Variants in SLC41A3 observed in about 807,000 individuals in gnomAD.
The protein encoded by SLC41A3 is solute carrier family 41 member 3, also known as SLC41A1-like 2.
SLC41A3 carries 44 observed loss-of-function variants against 45.4 expected under a neutral mutation model. The ratio of observed to expected loss-of-function variants is 0.97; its 90% confidence interval spans 0.76 to 1.25. SLC41A3 has a LOEUF of 1.25. SLC41A3 is among the 50% of genes most tolerant of loss of function. The pLI, the probability that SLC41A3 is intolerant of heterozygous loss-of-function variation, is 0.00. For synonymous variants in SLC41A3, 256 were observed against 252.4 expected (o/e 1.01, Z -0.13); for missense variants, 550 against 600.6 (o/e 0.92, Z 0.88).
At chr3:126,100,166 C>T (rs1472450586) in intron 1 of SLC41A3, among the ~76,000 whole-genome samples, 1 of 151,476 alleles carries the variant, frequency 6.6e-6, no homozygotes, top group Non-Finnish European at 1.5e-5. Context: ...TCCCCAAAGA[C>T]AGGTCTCCAC....
chr3:126,028,923 C>A (rs1395873425), intron 4 of SLC41A3, among the ~76,000 whole-genome samples: 1 of 152,236 alleles, frequency 6.6e-6, no homozygotes, highest in Non-Finnish European at 1.5e-5. Context: ...ACGCCCATAA[C>A]CCCTTCCTTT....
In SLC41A3 at chr3:126,056,858, C is replaced by T. The variant is rs977171875; in HGVS notation, c.274-5808G>A. 86 of 1,192,036 alleles carry T rather than the reference C, an allele frequency of 7.2e-5. 1 individual carries two copies. Among genetic ancestry groups the T allele is most frequent in the Non-Finnish European group, 8.5e-5 (81 of 953,710 alleles). The allele number at this position is 1,192,036 out of a possible 1,614,324, so 73.8% of individuals were successfully genotyped here. A position where few individuals can be genotyped will look rare whatever the true frequency, so the allele number is the denominator to read the frequency against. On this transcript the variant is annotated intron_variant, in intron 2 of 10. Transcript: ENST00000360370. ...GACAGTGGCTGTGTGTCCGCCGGGA[C>T]CTCCCTCTGCCAGTCTGCCATGGAG...
Position 126,039,014 on chromosome 3 carries a change from G to A in SLC41A3, c.382-5336C>T, listed in dbSNP as rs139340554. 2.2e-4 allele frequency among the ~76,000 whole-genome samples: 33 copies of A among 152,154 alleles called. No homozygotes were observed. In the East Asian group the frequency reaches 5.2e-3, roughly 24 times the overall value. ...GCACCTCCTCCCTCCCTCTCGCTCC[G>A]TCTCTCACCATGTGACACACTGGCT... On this transcript the variant is annotated intron_variant, in intron 3 of 10. Coordinates refer to ENST00000360370, the MANE Select transcript of SLC41A3 (RefSeq NM_017836.4).
At chr3:126,056,878 A>C in intron 2 of SLC41A3, 2 of 1,161,734 alleles carry the variant, frequency 1.7e-6, no homozygotes, top group South Asian at 2.5e-5. Flanking sequence ...CCAGTCTGCC[A>C]TGGAGGCTCA....
chr3:126,044,895 C>CAAAAAAAAAAAAAAAAA lies in SLC41A3; in HGVS notation c.381+6031_381+6047dup, dbSNP rs57581225. ...TGGGCGACAGAGCGAGACTCCATCTCAAAAAAAAAAAAAAAAAAAAAAAAA... is the reference window on the plus strand; with the variant it reads ...TGGGCGACAGAGCGAGACTCCATCTCAAAAAAAAAAAAAAAAAAAAAAAAAAAAAAAAAAAAAAAAAA... On this transcript the variant is annotated intron_variant, in intron 3 of 10. Transcript: ENST00000360370. 1.8e-4 allele frequency among the ~76,000 whole-genome samples: 15 copies of CAAAAAAAAAAAAAAAAA among 82,716 alleles called. 3 individuals are homozygous for CAAAAAAAAAAAAAAAAA. Among genetic ancestry groups the CAAAAAAAAAAAAAAAAA allele is most frequent in the Non-Finnish European group, 3.1e-4 (14 of 45,142 alleles). 54.3% of individuals were successfully genotyped at this position (82,716 alleles called of 152,430 possible).
At chr3:126,062,922 C>T (rs1211425211) in intron 2 of SLC41A3, among the ~76,000 whole-genome samples, 1 of 152,194 alleles carries the variant, frequency 6.6e-6, no homozygotes, top group Non-Finnish European at 1.5e-5. Context: ...GAAACGCCTT[C>T]ATGGAAGAGA....
chr3:126,048,922 A>T (rs540128679), intron 3 of SLC41A3, among the ~76,000 whole-genome samples: 151 of 73,116 alleles, frequency 2.1e-3, no homozygotes, highest in African/African-American at 8.1e-3. Flanking sequence ...AGACTGATTT[A>T]AAAAAAAAAA....
At chr3:126,099,166 C>G (rs1945662307) in intron 1 of SLC41A3, among the ~76,000 whole-genome samples, 1 of 152,218 alleles carries the variant, frequency 6.6e-6, no homozygotes, top group Non-Finnish European at 1.5e-5. Flanking sequence ...CAGGACAGAT[C>G]TGATTAGCCC....
In SLC41A3 at chr3:126,006,663, A is replaced by G. The variant is rs1939134338; in HGVS notation, c.*353T>C. 6.7e-7 allele frequency: 1 copy of G among 1,494,136 alleles called. No homozygotes were observed. Among genetic ancestry groups the G allele is most frequent in the African/African-American group, 1.4e-5 (1 of 71,016 alleles). The allele number at this position is 1,494,136 out of a possible 1,614,324, so 92.6% of individuals were successfully genotyped here. A position where few individuals can be genotyped will look rare whatever the true frequency, so the allele number is the denominator to read the frequency against. ...CCACCCCAATCTGGGTTGCATGGGC[A>G]TGGAAAAGAGCAAACACACCCTGCA... is the stretch of plus-strand genomic sequence containing the variant. On this transcript the variant is annotated 3_prime_UTR_variant, in exon 11 of 11. Transcript: ENST00000360370.
In SLC41A3 at chr3:126,079,238, A is replaced by C. The variant is rs199936261; in HGVS notation, c.-28+4855T>G. Among the ~76,000 whole-genome samples, 584 of 121,576 alleles carry C rather than the reference A, an allele frequency of 4.8e-3. 12 individuals carry two copies. The East Asian group carries it at 0.064, about 13-fold the overall frequency. The allele number at this position is 121,576 out of a possible 152,430, so 79.8% of individuals were successfully genotyped here. On this transcript the variant is annotated intron_variant, in intron 1 of 10. Transcript: ENST00000360370. The stretch of plus-strand genomic sequence containing the variant: ...CACACACACACACACACACACACAC[A>C]CCCACACACGATCAGGGATTTAAAT...
rs538964082 is a variant in SLC41A3 at position 126,014,001 on chromosome 3, G to A, written c.971-1252C>T. On this transcript the variant is annotated intron_variant, in intron 8 of 10. Transcript: ENST00000360370. ...ATGAAAAAGGTTTCAAGCTCTGCCC[G>A]GGCCAGATGGTCCAGCTGACAAAGG... Among the ~76,000 whole-genome samples the A allele has an allele frequency of 9.2e-5, 14 of 152,248 alleles. No homozygotes were observed. In the East Asian group the frequency reaches 1.7e-3, roughly 19 times the overall value.
intron 1 of SLC41A3, among the ~76,000 whole-genome samples, chr3:126,082,649 C>G (rs1448036720): frequency 3.9e-5 from 6 of 152,186 alleles, no homozygotes; most frequent in East Asian, 1.9e-4. Flanking sequence ...AACGGACACT[C>G]TGTCACCCAG....
At chr3:126,011,405 A>C (rs1317500708) in intron 9 of SLC41A3, among the ~76,000 whole-genome samples, 1 of 152,232 alleles carries the variant, frequency 6.6e-6, no homozygotes, top group African/African-American at 2.4e-5. Flanking sequence ...GAGCCAATCT[A>C]AACAAGGAGA....
At chr3:126,036,918 C>G (rs1402141629) in intron 3 of SLC41A3, among the ~76,000 whole-genome samples, 1 of 152,140 alleles carries the variant, frequency 6.6e-6, no homozygotes, top group African/African-American at 2.4e-5. Context: ...TCAAAGTCAA[C>G]AGAGAGAGCT....
At chr3:126,037,062 T>C (rs1349167867) in intron 3 of SLC41A3, among the ~76,000 whole-genome samples, 1 of 152,182 alleles carries the variant, frequency 6.6e-6, no homozygotes, top group Non-Finnish European at 1.5e-5. Flanking sequence ...TAGGATCTGA[T>C]GGAAGGTGTC....
chr3:126,059,227 A>AAG (rs1943863024), intron 2 of SLC41A3, among the ~76,000 whole-genome samples: 2 of 36,666 alleles, frequency 5.5e-5, no homozygotes, highest in East Asian at 1.5e-3. Context: ...TCAAAAAAGA[A>AAG]AGAAAGAGAA....
chr3:126,080,275 C>T (rs1052833397), intron 1 of SLC41A3, among the ~76,000 whole-genome samples: 1 of 151,984 alleles, frequency 6.6e-6, no homozygotes, highest in African/African-American at 2.4e-5. Context: ...GAAAAAATAA[C>T]CCACAGAATG....
chr3:126,059,317 T>A lies in SLC41A3; in HGVS notation c.274-8267A>T, dbSNP rs368848832. Among the ~76,000 whole-genome samples, 128 of 75,758 alleles carry A rather than the reference T, an allele frequency of 1.7e-3. 1 individual carries two copies. Among genetic ancestry groups the A allele is most frequent in the Non-Finnish European group, 2.2e-3 (78 of 35,950 alleles). The allele number at this position is 75,758 out of a possible 152,430, so 49.7% of individuals were successfully genotyped here. A position where few individuals can be genotyped will look rare whatever the true frequency, so the allele number is the denominator to read the frequency against. ...AAGAAAGAAAGAAAGAAAGGAAGGATGATCTGTGATAAGTGCTCTGAAGCA... is the reference window on the plus strand; with the variant it reads ...AAGAAAGAAAGAAAGAAAGGAAGGAAGATCTGTGATAAGTGCTCTGAAGCA... On this transcript the variant is annotated intron_variant, in intron 2 of 10. Transcript: ENST00000360370.
chr3:126,077,631 A>G (rs1463787616), intron 1 of SLC41A3, among the ~76,000 whole-genome samples: 1 of 152,134 alleles, frequency 6.6e-6, no homozygotes, highest in African/African-American at 2.4e-5. Flanking sequence ...TGTCAATCAC[A>G]GTTTCAGGTA....
Sources: allele counts gnomAD v4.1 joint callset (sites outside exome capture counted in the v4.1 genomes callset), GRCh38; gene constraint gnomAD v4.1.1; transcripts MANE v1.5; gene names NCBI Gene and HGNC (gene_info 2026-07-23, HGNC 2026-07-21).